The following PARP9 variants were observed in gnomAD, a reference collection of about 807,000 sequenced individuals.
PARP9 encodes the protein protein mono-ADP-ribosyltransferase PARP9.
PARP9 carries 48 observed loss-of-function variants against 68.8 expected under a neutral mutation model. The observed-to-expected ratio is 0.70, with a 90% CI of 0.55 to 0.89. The LOEUF is 0.89. PARP9 is among the 40% of genes least tolerant of loss of function. PARP9 has a pLI of 0.00. For synonymous variants in PARP9, 309 were observed against 333.8 expected, an observed-to-expected ratio of 0.93 and a Z score of 0.81; for missense variants, 806 against 969.3, an observed-to-expected ratio of 0.83 and a Z score of 2.24.
chr3:122,564,616 G>A (rs2080518486), upstream of PARP9: 1 of 1,583,704 alleles, frequency 6.3e-7, no homozygotes, highest in Non-Finnish European at 8.6e-7. Context: ...AAGGGCAGGT[G>A]AGCTTCGGGC....
chr3:122,555,207 T>G, intron 4 of PARP9, 79 bp downstream of exon 4: 1 of 1,334,758 alleles, frequency 7.5e-7, no homozygotes, highest in Non-Finnish European at 1.0e-6. Flanking sequence ...TACATAGTGT[T>G]GCATAGTGTA....
intron 10 of PARP9, chr3:122,532,241 C>A: frequency 5.1e-6 from 5 of 985,404 alleles, no homozygotes; most frequent in Non-Finnish European, 6.0e-6. Flanking sequence ...CAGACATGGC[C>A]TGGAAAGGAA....
At chr3:122,533,733 C>A in intron 10 of PARP9, 2 of 985,390 alleles carry the variant, frequency 2.0e-6, no homozygotes, top group Non-Finnish European at 2.4e-6. Flanking sequence ...CTTCTTGCTG[C>A]ACTCAACCAA....
Position 122,555,340 on chromosome 3 carries a change from C to T in PARP9, c.831G>A (p.Met277Ile), listed in dbSNP as rs768920903. 1 of 1,614,054 alleles carries T rather than the reference C, an allele frequency of 6.2e-7. No homozygotes were observed. Among genetic ancestry groups the T allele is most frequent in the Non-Finnish European group, 8.5e-7 (1 of 1,179,976 alleles). The change falls in exon 4 of 11, where the codon ATG becomes ATA. Residue 277 changes from methionine (M) to isoleucine (I), a missense_variant. Transcript: ENST00000682323. ...GQETTPSFNAMVVNNLTLQIV... is the reference protein window; with the variant it reads ...GQETTPSFNAIVVNNLTLQIV... ...TCTGGAGGGTCAGGTTGTTCACGACCATTGCATTGAAAGAAGGGGTGGTTT... is the reference window on the plus strand; with the variant it reads ...TCTGGAGGGTCAGGTTGTTCACGACTATTGCATTGAAAGAAGGGGTGGTTT...
chr3:122,528,802 A>C, intron 10 of PARP9, 59 bp from the exon 11 acceptor site: 2 of 1,398,622 alleles, frequency 1.4e-6, no homozygotes, highest in African/African-American at 2.9e-5. Context: ...GATATTGCCG[A>C]TTTGGGTACT....
intron 8 of PARP9, among the ~76,000 whole-genome samples, chr3:122,538,114 G>A (rs990051887): frequency 2.0e-5 from 3 of 152,340 alleles, no homozygotes; most frequent in East Asian, 1.9e-4. Flanking sequence ...TGAGAAAGTA[G>A]GAGGGACAAA....
chr3:122,540,662 G>A lies in PARP9; in HGVS notation c.1575C>T (p.Asp525=). 6.2e-7 allele frequency: 1 copy of A among 1,614,114 alleles called. No homozygotes were observed. The highest frequency in any genetic ancestry group is 2.2e-5 in the East Asian group (1 of 44,876). ...HILYLGRKEH[D]ILSQLQKTSS... is the part of the protein sequence containing the mutation. ...AAGTTTTCTGAAGCTGAGACAAAAT[G>A]TCATGTTCCTTTCTCCCAAGGTACA... Residue 525 remains aspartate (D), a synonymous_variant, in exon 8 of 11, where the codon GAC becomes GAT. Transcript: ENST00000682323.
At chr3:122,535,226 G>C in intron 10 of PARP9, 1 of 985,364 alleles carries the variant, frequency 1.0e-6, no homozygotes, top group Non-Finnish European at 1.2e-6. Flanking sequence ...TCACTTTCCT[G>C]ATTGCCCCAA....
chr3:122,528,732 C>T lies in PARP9; in HGVS notation c.2092G>A (p.Gly698Arg), dbSNP rs375287039. Reference protein sequence around the residue: ...MYSTPCDPKYGAGIYFTKNLK... With the variant: ...MYSTPCDPKYRAGIYFTKNLK... ...TTCTTGGTGAAGTATATGCCAGCTC[C>T]GTATTTTGGATCTGATAAAGGAAAA... Residue 698 changes from glycine to arginine, a missense_variant, in exon 11 of 11, where the codon GGA (glycine) becomes AGA (arginine). This residue lies in a region of PARP9 where 680 missense variants were observed against 858.8 expected (regional missense o/e 0.79). Coordinates refer to ENST00000682323, the MANE Select transcript of PARP9 (RefSeq NM_001146105.2). The T allele has an allele frequency of 5.8e-5, 91 of 1,581,018 alleles. No individual in the cohort carries two copies. Among genetic ancestry groups the T allele is most frequent in the South Asian group, 1.0e-4 (9 of 85,788 alleles).
intron 4 of PARP9, among the ~76,000 whole-genome samples, chr3:122,553,790 C>G (rs1400187745): frequency 1.3e-5 from 2 of 152,180 alleles, no homozygotes; most frequent in East Asian, 3.8e-4. Context: ...TATTCATTCT[C>G]ACCCTCTGTT....
intron 2 of PARP9, 65 bp downstream of exon 2, chr3:122,559,541 G>A: frequency 6.7e-7 from 1 of 1,482,834 alleles, no homozygotes; most frequent in Non-Finnish European, 9.1e-7. Context: ...ATTTCTTGCT[G>A]TTATATAAAG....
rs142102078 is a variant in PARP9, at chr3:122,558,417, G to C, written c.49+17C>G. On this transcript the variant is annotated intron_variant, in intron 3 of 10. Transcript: ENST00000682323. ...CAAAGACTTTCTGAAACAAGAGTGAGAGCGAGGTAATCCTACCTGATTTTT... is the reference window on the plus strand; with the variant it reads ...CAAAGACTTTCTGAAACAAGAGTGACAGCGAGGTAATCCTACCTGATTTTT... The C allele has an allele frequency of 9.2e-5, 149 of 1,614,176 alleles. No individual in the cohort carries two copies. Among genetic ancestry groups the C allele is most frequent in the African/African-American group, 5.3e-4 (40 of 75,066 alleles).
At chr3:122,540,289 C>A (rs185410212) in intron 8 of PARP9, among the ~76,000 whole-genome samples, 183 bp downstream of exon 8, 1 of 152,068 alleles carries the variant, frequency 6.6e-6, no homozygotes, top group Non-Finnish European at 1.5e-5. Context: ...TCACAAATAA[C>A]CCTGATTGTC....
At chr3:122,550,504 C>T in intron 6 of PARP9, 80 bp downstream of exon 6, 1 of 1,181,804 alleles carries the variant, frequency 8.5e-7, no homozygotes, top group Non-Finnish European at 1.2e-6. Flanking sequence ...CTGCATCTTA[C>T]ATTGTAGATA....
Position 122,555,940 on chromosome 3 carries a change from T to C in PARP9, c.231A>G (p.Lys77=). Reference sequence around the variant, plus strand: ...ATAACTCTATCCTAGGAGTCAGCATTTTTCTGAACACTTGCAGAGATTTGC... The same window carrying C: ...ATAACTCTATCCTAGGAGTCAGCATCTTTCTGAACACTTGCAGAGATTTGC... The part of the protein sequence containing the change: ...GNSKSLQVFR[K]MLTPRIELSV... The change falls in exon 4 of 11, where the codon AAA becomes AAG. Residue 77 remains lysine, a synonymous_variant. Transcript: ENST00000682323. 6.2e-7 allele frequency: 1 copy of C among 1,613,882 alleles called. No homozygotes were observed. The highest frequency in any genetic ancestry group is 8.5e-7 in the Non-Finnish European group (1 of 1,179,960).
At chr3:122,545,744 C>A in intron 6 of PARP9, 1 of 453,794 alleles carries the variant, frequency 2.2e-6, no homozygotes, top group East Asian at 3.5e-5. Flanking sequence ...CTATACATTC[C>A]GAGACAAAAT....
chr3:122,534,189 A>G, intron 10 of PARP9: 1 of 807,336 alleles, frequency 1.2e-6, no homozygotes, highest in Non-Finnish European at 1.5e-6. Flanking sequence ...ATAAAGACAT[A>G]AACTTAACCA....
At chr3:122,564,759 C>A, upstream of PARP9, 1 of 1,022,098 alleles carries the variant, frequency 9.8e-7, no homozygotes. Context: ...GGCCCTACTG[C>A]CAAGAGACTC....
At chr3:122,532,401 C>G (rs961834218) in intron 10 of PARP9, 2 of 985,270 alleles carry the variant, frequency 2.0e-6, no homozygotes, top group Non-Finnish European at 2.4e-6. Context: ...CCCACAATGC[C>G]TCTCCCAGCA....
Sources: allele counts gnomAD v4.1 joint callset (sites outside exome capture counted in the v4.1 genomes callset), GRCh38; gene constraint gnomAD v4.1.1; regional missense constraint gnomAD v4.1.1; transcripts MANE v1.5; gene names NCBI Gene and HGNC (gene_info 2026-07-23, HGNC 2026-07-21).